The following ERCC4 variants were observed in gnomAD, a reference collection of about 807,000 sequenced individuals.
The protein encoded by ERCC4 is ERCC excision repair 4, endonuclease catalytic subunit.
Under a neutral mutation model 76.9 loss-of-function variants are expected in ERCC4, and 65 were observed. That is an observed-to-expected ratio of 0.84 (90% CI 0.69 to 1.04). ERCC4 has a LOEUF of 1.04. ERCC4 is among the 50% of genes least tolerant of loss of function. ERCC4 has a pLI of 0.00. For synonymous variants in ERCC4, 463 were observed against 410.1 expected (o/e 1.13, Z -1.56); for missense variants, 1,214 against 1,128.2 (o/e 1.08, Z -1.09).
intron 4 of ERCC4, among the ~76,000 whole-genome samples, chr16:13,930,191 T>G (rs1335884908): frequency 6.6e-6 from 1 of 152,166 alleles, no homozygotes; most frequent in Non-Finnish European, 1.5e-5. Flanking sequence ...GATACTCATG[T>G]ACAAATTAAA....
chr16:13,926,682 C>T lies in ERCC4; in HGVS notation c.510C>T (p.Ala170=), dbSNP rs1384511323. 1 of 1,614,056 alleles carries T rather than the reference C, an allele frequency of 6.2e-7. No individual in the cohort carries two copies. The highest frequency in any genetic ancestry group is 1.7e-5 in the Admixed American group (1 of 60,020). Residue 170 remains alanine (A), a synonymous_variant, in exon 3 of 11, where the codon GCC becomes GCT. Coordinates refer to ENST00000311895, the MANE Select transcript of ERCC4 (RefSeq NM_005236.3). ...AAGCTTTCACAGACAATGCTGTTGC[C>T]TTTGATACTGGTTTTTGTCATGTGG... ...FIKAFTDNAV[A]FDTGFCHVER... is the part of the protein sequence containing the mutation.
At chr16:13,921,602 T>C (rs2031977876) in intron 1 of ERCC4, among the ~76,000 whole-genome samples, 3 of 152,194 alleles carry the variant, frequency 2.0e-5, no homozygotes, top group Admixed American at 6.5e-5. Context: ...ATGAAGTCCC[T>C]CTAGGATAGA....
At chr16:13,924,755 G>A (rs1413402595) in intron 2 of ERCC4, among the ~76,000 whole-genome samples, 1 of 152,194 alleles carries the variant, frequency 6.6e-6, no homozygotes, top group Admixed American at 6.5e-5. Context: ...AAAATACTTG[G>A]TAGCATGGCA....
chr16:13,938,681 C>A (rs77767857), intron 9 of ERCC4, among the ~76,000 whole-genome samples: 4 of 152,332 alleles, frequency 2.6e-5, no homozygotes, highest in Non-Finnish European at 5.9e-5. Flanking sequence ...TGGGCCAGAG[C>A]AAACTTCCAA....
At position 13,947,790 on chromosome 16, in the gene ERCC4, T is replaced by C. The variant is rs1395574039; in HGVS notation, c.2194T>C (p.Leu732=). The C allele has an allele frequency of 2.5e-6, 4 of 1,614,116 alleles. No individual in the cohort carries two copies. Among genetic ancestry groups the C allele is most frequent in the African/African-American group, 2.7e-5 (2 of 74,940 alleles). Residue 732 remains leucine, a synonymous_variant, in exon 11 of 11, where the codon TTA becomes CTA. Coordinates refer to ENST00000311895, the MANE Select transcript of ERCC4 (RefSeq NM_005236.3). ...CGTGGAGCGCAAGAGTATCAGTGAT[T>C]TAATCGGCTCTTTAAATAACGGCCG... ...MCVERKSISD[L]IGSLNNGRLY...
In ERCC4 at chr16:13,948,564, T is replaced by C; in HGVS notation, c.*217T>C. 8 of 577,816 alleles carry C rather than the reference T, an allele frequency of 1.4e-5. No individual in the cohort carries two copies. Among genetic ancestry groups the C allele is most frequent in the South Asian group, 4.0e-5 (2 of 49,454 alleles). 35.8% of individuals were successfully genotyped at this position (577,816 alleles called of 1,614,324 possible). A position where few individuals can be genotyped will look rare whatever the true frequency, so the allele number is the denominator to read the frequency against. On this transcript the variant is annotated 3_prime_UTR_variant, in exon 11 of 11. Coordinates refer to ENST00000311895, the MANE Select transcript of ERCC4 (RefSeq NM_005236.3). ...TGCTCTTTTTCCTCCCTGCACCGTCTATGCCGGGCTTAGCATGTTTCTTTT... is the reference window on the plus strand; with the variant it reads ...TGCTCTTTTTCCTCCCTGCACCGTCCATGCCGGGCTTAGCATGTTTCTTTT...
chr16:13,935,116 T>C, intron 7 of ERCC4, 30 bp from the exon 8 acceptor site: 3 of 1,511,528 alleles, frequency 2.0e-6, no homozygotes, highest in African/African-American at 1.4e-5. Context: ...AGTGAGGTAA[T>C]AGTAACATAA....
chr16:13,948,342 A>C lies in ERCC4; in HGVS notation c.2746A>C (p.Lys916Gln), dbSNP rs758936308. The part of the protein sequence containing the change: ...AEVVSKGKGK[K>Q] Reference sequence around the variant, plus strand: ...AGTCGTATCAAAAGGAAAAGGGAAAAAGTGAACAGTGATGGCTGTTTTCTT... The same window carrying C: ...AGTCGTATCAAAAGGAAAAGGGAAACAGTGAACAGTGATGGCTGTTTTCTT... Residue 916 changes from lysine (K) to glutamine (Q), a missense_variant, in exon 11 of 11, where the codon AAG becomes CAG. Lys to Gln is a moderately conservative substitution (Grantham distance 53, BLOSUM62 1). Coordinates refer to ENST00000311895, the MANE Select transcript of ERCC4 (RefSeq NM_005236.3). The C allele has an allele frequency of 6.2e-7, 1 of 1,609,994 alleles. No individual in the cohort carries two copies. The highest frequency in any genetic ancestry group is 1.1e-5 in the South Asian group (1 of 91,078).
intron 2 of ERCC4, among the ~76,000 whole-genome samples, chr16:13,924,692 A>G (rs2032040924): frequency 6.6e-6 from 1 of 152,182 alleles, no homozygotes; most frequent in Non-Finnish European, 1.5e-5. Context: ...ATTGGTGATA[A>G]AGATAGTACC....
chr16:13,933,072 A>G (rs1300324097), intron 6 of ERCC4: 12 of 405,780 alleles, frequency 3.0e-5, no homozygotes, highest in Non-Finnish European at 5.3e-5. Context: ...AAAAAACACA[A>G]AAACTTTTAA....
At chr16:13,922,638 G>A in intron 2 of ERCC4, 2 of 544,914 alleles carry the variant, frequency 3.7e-6, no homozygotes, top group Non-Finnish European at 6.7e-6. Context: ...CATGGCCGCA[G>A]CCCTTTTTGG....
rs1337735944 is a variant in ERCC4, at chr16:13,922,207, T to G, written c.384T>G (p.Ile128Met). Residue 128 changes from isoleucine to methionine, a missense_variant, in exon 2 of 11, where the codon ATT becomes ATG. By Grantham distance (10) the Ile-to-Met change is conservative. Transcript: ENST00000311895. ...CTGATAGAATACCTTCAGATTTAAT[T>G]ACTGGTAAGAATTTGAAATCTTATT... ...FLTDRIPSDL[I>M]TGILVYRAHR... The G allele has an allele frequency of 2.3e-5, 37 of 1,596,656 alleles. No homozygotes were observed. Among genetic ancestry groups the G allele is most frequent in the Non-Finnish European group, 3.2e-5 (37 of 1,165,178 alleles).
intron 9 of ERCC4, among the ~76,000 whole-genome samples, chr16:13,943,769 A>C (rs2032460758): frequency 6.8e-6 from 1 of 147,912 alleles, no homozygotes; most frequent in African/African-American, 2.5e-5. Context: ...TGTTCCCTCG[A>C]CATCAGTTGT....
chr16:13,921,541 G>C (rs891054855), intron 1 of ERCC4, among the ~76,000 whole-genome samples: 2 of 152,172 alleles, frequency 1.3e-5, no homozygotes, highest in African/African-American at 2.4e-5. Context: ...GCCTAGTAAA[G>C]ATGGTTTTAA....
intron 9 of ERCC4, among the ~76,000 whole-genome samples, 166 bp downstream of exon 9, chr16:13,938,024 A>C (rs1356253004): frequency 1.3e-5 from 1 of 75,170 alleles, no homozygotes; most frequent in South Asian, 3.7e-4. Context: ...AGATCTCAGC[A>C]CATACTTCCT....
chr16:13,947,800 C>G lies in ERCC4; in HGVS notation c.2204C>G (p.Ser735Cys). 7 of 1,614,248 alleles carry G rather than the reference C, an allele frequency of 4.3e-6. No individual in the cohort carries two copies. Among genetic ancestry groups the G allele is most frequent in the Non-Finnish European group, 5.9e-6 (7 of 1,180,046 alleles). Reference sequence around the variant, plus strand: ...AAGAGTATCAGTGATTTAATCGGCTCTTTAAATAACGGCCGCCTCTACAGC... The same window carrying G: ...AAGAGTATCAGTGATTTAATCGGCTGTTTAAATAACGGCCGCCTCTACAGC... ...ERKSISDLIG[S>C]LNNGRLYSQC... Residue 735 changes from serine to cysteine, a missense_variant, in exon 11 of 11, where the codon TCT (serine) becomes TGT (cysteine). Transcript: ENST00000311895.
At chr16:13,921,733 A>G (rs111421514) in intron 1 of ERCC4, among the ~76,000 whole-genome samples, 1 of 152,172 alleles carries the variant, frequency 6.6e-6, no homozygotes, top group Non-Finnish European at 1.5e-5. Flanking sequence ...GGTAGCAGAA[A>G]TCTTTTAATC....
In ERCC4 at chr16:13,949,493, T is replaced by C. The variant is rs567315876; in HGVS notation, c.*1146T>C. On this transcript the variant is annotated 3_prime_UTR_variant, in exon 11 of 11. Coordinates refer to ENST00000311895, the MANE Select transcript of ERCC4 (RefSeq NM_005236.3). ...CATCCTGTGCCAGGGTGGCTACTTC[T>C]CTCTGTGAGGACTCAAATACAAGCC... 1.7e-5 allele frequency: 4 copies of C among 233,196 alleles called. No homozygotes were observed. The highest frequency in any genetic ancestry group is 8.8e-5 in the African/African-American group (4 of 45,468). The allele number at this position is 233,196 out of a possible 1,614,324, so 14.4% of individuals were successfully genotyped here.
chr16:13,932,455 G>A, intron 6 of ERCC4, 170 bp downstream of exon 6: 1 of 657,690 alleles, frequency 1.5e-6, no homozygotes, highest in South Asian at 1.9e-5. Context: ...AAGTATATAT[G>A]TAAAGTATAT....
Sources: allele counts gnomAD v4.1 joint callset (sites outside exome capture counted in the v4.1 genomes callset), GRCh38; gene constraint gnomAD v4.1.1; transcripts MANE v1.5; gene names NCBI Gene and HGNC (gene_info 2026-07-23, HGNC 2026-07-21).